The following GASK1B variants were observed in gnomAD, a reference collection of about 807,000 sequenced individuals.
The protein encoded by GASK1B is Golgi-associated kinase 1B.
GASK1B carries 34 observed loss-of-function variants against 42.8 expected under a neutral mutation model. That is an observed-to-expected ratio of 0.79 (90% CI 0.60 to 1.06). The LOEUF (loss-of-function observed/expected upper bound fraction) is 1.06, where lower values mean the gene tolerates loss of function less well. Among genes scored for constraint, GASK1B ranks in the 50% least tolerant of loss-of-function variants. GASK1B has a pLI of 0.00. For synonymous variants in GASK1B, 262 were observed against 259.1 expected (o/e 1.01, Z -0.11); for missense variants, 686 against 661.0 (o/e 1.04, Z -0.42).
At chr4:158,163,262 A>G (rs1732095448) in intron 2 of GASK1B, among the ~76,000 whole-genome samples, 1 of 152,216 alleles carries the variant, frequency 6.6e-6, no homozygotes, top group Non-Finnish European at 1.5e-5. Context: ...TAGAAATGGT[A>G]TGAAAAAGGT....
In GASK1B at chr4:158,124,749, T is replaced by C. The variant is rs1301874416; in HGVS notation, c.*2658A>G. 6.6e-6 allele frequency: 1 copy of C among 152,176 alleles called. No homozygotes were observed. Among genetic ancestry groups the C allele is most frequent in the Non-Finnish European group, 1.5e-5 (1 of 68,034 alleles). The allele number at this position is 152,176 out of a possible 1,614,324, so 9.4% of individuals were successfully genotyped here. On this transcript the variant is annotated 3_prime_UTR_variant, in exon 5 of 5. Coordinates refer to ENST00000585682, the MANE Select transcript of GASK1B (RefSeq NM_001128424.2). ...CAATCCAACAAAATTCTTGACTCTCTTTCTTTTTTCACCGCTAAAGGTAGC... is the reference window on the plus strand; with the variant it reads ...CAATCCAACAAAATTCTTGACTCTCCTTCTTTTTTCACCGCTAAAGGTAGC...
chr4:158,133,369 A>G (rs1429228088), intron 3 of GASK1B, among the ~76,000 whole-genome samples: 1 of 152,212 alleles, frequency 6.6e-6, no homozygotes, highest in East Asian at 1.9e-4. Context: ...TGTTTTGAAT[A>G]TAACCCGTAA....
chr4:158,137,951 G>A (rs1250217001), intron 3 of GASK1B, among the ~76,000 whole-genome samples: 1 of 152,140 alleles, frequency 6.6e-6, no homozygotes, highest in Non-Finnish European at 1.5e-5. Context: ...TCTGTAAAGA[G>A]CATTCATTGC....
chr4:158,159,607 C>G (rs1218000371), intron 2 of GASK1B: 2 of 320,022 alleles, frequency 6.2e-6, no homozygotes, highest in African/African-American at 2.2e-5. Flanking sequence ...GAAATCTCAA[C>G]AAGTGAAGAG....
intron 3 of GASK1B, among the ~76,000 whole-genome samples, chr4:158,152,599 C>T (rs968576752): frequency 6.6e-6 from 1 of 151,788 alleles, no homozygotes; most frequent in Non-Finnish European, 1.5e-5. Flanking sequence ...CAAAAATCCT[C>T]AACAAAATAC....
At chr4:158,167,452 C>T (rs1368288445) in intron 2 of GASK1B, among the ~76,000 whole-genome samples, 1 of 152,160 alleles carries the variant, frequency 6.6e-6, no homozygotes, top group Non-Finnish European at 1.5e-5. Context: ...CAGGAGAAAG[C>T]CCAGCCTGGA....
intron 3 of GASK1B, among the ~76,000 whole-genome samples, chr4:158,141,441 G>A (rs555587222): frequency 8.9e-4 from 135 of 151,476 alleles, no homozygotes; most frequent in Middle Eastern, 3.4e-3. Flanking sequence ...CATGAGTTAG[G>A]GTGGCTAGGC....
chr4:158,170,834 C>A lies in GASK1B; in HGVS notation c.542G>T (p.Arg181Met), dbSNP rs778738585. 1 of 1,614,228 alleles carries A rather than the reference C, an allele frequency of 6.2e-7. No homozygotes were observed. The highest frequency in any genetic ancestry group is 1.1e-5 in the South Asian group (1 of 91,086). Residue 181 changes from arginine to methionine, a missense_variant, in exon 2 of 5, where the codon AGG (arginine) becomes ATG (methionine). By Grantham distance (91) the Arg-to-Met change is moderately conservative (BLOSUM62 -1). Coordinates refer to ENST00000585682, the MANE Select transcript of GASK1B (RefSeq NM_001128424.2). Reference sequence around the variant, plus strand: ...TCGCACTCCCGGACCCCGCACCAACCTCCAGGGTCGCTCTCCAATCTTAAC... The same window carrying A: ...TCGCACTCCCGGACCCCGCACCAACATCCAGGGTCGCTCTCCAATCTTAAC... ...NLVKIGERPWRLVRGPGVRAG... is the reference protein window; with the variant it reads ...NLVKIGERPWMLVRGPGVRAG...
At chr4:158,138,089 A>G (rs535977361) in intron 3 of GASK1B, among the ~76,000 whole-genome samples, 1 of 152,338 alleles carries the variant, frequency 6.6e-6, no homozygotes, top group South Asian at 2.1e-4. Flanking sequence ...TTCTTTACGT[A>G]TAAGTAAAAG....
At position 158,171,448 on chromosome 4, in the gene GASK1B, T is replaced by C; in HGVS notation, c.-73A>G. On this transcript the variant is annotated 5_prime_UTR_variant, in exon 2 of 5. Coordinates refer to ENST00000585682, the MANE Select transcript of GASK1B (RefSeq NM_001128424.2). ...GCTCCTGCTAATGTGATGCATGGTT[T>C]CCTGACTTCAGCTGCCGCGTCCGCT... The C allele has an allele frequency of 2.7e-6, 4 of 1,466,702 alleles. No individual in the cohort carries two copies. The South Asian group carries it at 6.0e-5, about 22-fold the overall frequency. The allele number at this position is 1,466,702 out of a possible 1,614,324, so 90.9% of individuals were successfully genotyped here. A position where few individuals can be genotyped will look rare whatever the true frequency, so the allele number is the denominator to read the frequency against.
At chr4:158,153,710 C>T (rs749941953) in intron 3 of GASK1B, among the ~76,000 whole-genome samples, 4 of 152,150 alleles carry the variant, frequency 2.6e-5, no homozygotes, top group Non-Finnish European at 5.9e-5. Flanking sequence ...CAAATACTTA[C>T]AGCCAACTGA....
intron 2 of GASK1B, among the ~76,000 whole-genome samples, chr4:158,167,862 A>T (rs190892401): frequency 6.6e-6 from 1 of 152,302 alleles, no homozygotes; most frequent in East Asian, 1.9e-4. Flanking sequence ...GCAGTGCCCT[A>T]GAAGAAAGCT....
Position 158,155,815 on chromosome 4 carries a change from T to C in GASK1B, c.921A>G (p.Pro307=). ...RKAEFIQDGR[P]CPIILWDASL... is the part of the protein sequence containing the mutation. ...ATGCATCCCAAAGAATGATGGGGCATGGGCGGCCATCTATAGAATCAGAAA... is the reference window on the plus strand; with the variant it reads ...ATGCATCCCAAAGAATGATGGGGCACGGGCGGCCATCTATAGAATCAGAAA... Residue 307 remains proline (P), a synonymous_variant, in exon 3 of 5, where the codon CCA becomes CCG. Coordinates refer to ENST00000585682, the MANE Select transcript of GASK1B (RefSeq NM_001128424.2). The C allele has an allele frequency of 6.2e-7, 1 of 1,613,606 alleles. No individual in the cohort carries two copies. Among genetic ancestry groups the C allele is most frequent in the Non-Finnish European group, 8.5e-7 (1 of 1,179,642 alleles).
At chr4:158,135,115 A>T (rs192098693) in intron 3 of GASK1B, among the ~76,000 whole-genome samples, 150 of 151,990 alleles carry the variant, frequency 9.9e-4, no homozygotes, top group African/African-American at 3.3e-3. Context: ...GGTGGGTCAC[A>T]AGGTCAGGAG....
In GASK1B at chr4:158,170,491, C is replaced by T; in HGVS notation, c.885G>A (p.Val295=). 3.7e-6 allele frequency: 6 copies of T among 1,614,242 alleles called. No individual in the cohort carries two copies. The Middle Eastern group carries it at 6.6e-4, about 178-fold the overall frequency. Residue 295 remains valine (V), a synonymous_variant, in exon 2 of 5, where the codon GTG becomes GTA. Transcript: ENST00000585682. ...ILGLNRTLPS[V]SRKAEFIQDG... is the part of the protein sequence containing the mutation. ...CTTGGATGAACTCTGCTTTCCTGCT[C>T]ACAGACGGCAGGGTCCTGTTGAGCC...
In GASK1B at chr4:158,125,004, A is replaced by G. The variant is rs938090894; in HGVS notation, c.*2403T>C. 2 of 152,236 alleles carry G rather than the reference A, an allele frequency of 1.3e-5. No individual in the cohort carries two copies. Among genetic ancestry groups the G allele is most frequent in the African/African-American group, 4.8e-5 (2 of 41,486 alleles). The allele number at this position is 152,236 out of a possible 1,614,324, so 9.4% of individuals were successfully genotyped here. Reference sequence around the variant, plus strand: ...TAAGTTTGTTATGAAGTTATAAATAAAACACATATTGTGCTTATGTGAATA... The same window carrying G: ...TAAGTTTGTTATGAAGTTATAAATAGAACACATATTGTGCTTATGTGAATA... On this transcript the variant is annotated 3_prime_UTR_variant, in exon 5 of 5. Transcript: ENST00000585682.
chr4:158,131,012 T>C lies in GASK1B; in HGVS notation c.1126A>G (p.Ile376Val). 5.6e-6 allele frequency: 9 copies of C among 1,610,438 alleles called. No individual in the cohort carries two copies. The highest frequency in any genetic ancestry group is 6.8e-6 in the Non-Finnish European group (8 of 1,178,308). ...KMALFDFLLQ[I>V]YNRLDTNCCG... ...CAATTTGTATCTAAGCGATTATAAATCTGTAAATGGAAAACACAAAATCCA... is the reference window on the plus strand; with the variant it reads ...CAATTTGTATCTAAGCGATTATAAACCTGTAAATGGAAAACACAAAATCCA... Residue 376 changes from isoleucine to valine, a missense_variant and splice_region_variant, in exon 4 of 5, where the codon ATT becomes GTT. Physicochemically the swap from Ile to Val is conservative, Grantham distance 29. Coordinates refer to ENST00000585682, the MANE Select transcript of GASK1B (RefSeq NM_001128424.2).
At chr4:158,137,065 A>G (rs982267575) in intron 3 of GASK1B, among the ~76,000 whole-genome samples, 1 of 152,178 alleles carries the variant, frequency 6.6e-6, no homozygotes, top group Admixed American at 6.5e-5. Context: ...TGCAGCATAC[A>G]CTGAATAAAG....
intron 3 of GASK1B, among the ~76,000 whole-genome samples, chr4:158,155,174 T>G (rs1417315367): frequency 3.3e-5 from 5 of 152,066 alleles, no homozygotes; most frequent in Admixed American, 6.6e-5. Context: ...CAAAGCAGAT[T>G]CTCTTTGTAG....
Sources: gnomAD v4.1 joint callset for allele counts (sites outside exome capture counted in the v4.1 genomes callset) on GRCh38, gnomAD v4.1.1 for gene constraint, MANE v1.5 for transcripts, NCBI Gene and HGNC (gene_info 2026-07-23, HGNC 2026-07-21) for gene names.